Variants in LRP1B observed in about 807,000 individuals in gnomAD.
LRP1B encodes LDL receptor related protein 1B.
A neutral mutation model predicts 556.6 loss-of-function variants in LRP1B; 217 were observed. The ratio of observed to expected loss-of-function variants is 0.39; its 90% CI spans 0.35 to 0.44. The LOEUF (loss-of-function observed/expected upper bound fraction) is 0.44. Among genes scored for constraint, LRP1B ranks in the 20% least tolerant of loss-of-function variants. The pLI, the probability that LRP1B is intolerant of heterozygous loss-of-function variation, is 1.00. For synonymous variants in LRP1B, 2,047 were observed against 1,865.8 expected (o/e 1.10, Z -2.50); for missense variants, 5,053 against 5,620.8 (o/e 0.90, Z 3.23).
intron 8 of LRP1B, among the ~76,000 whole-genome samples, chr2:141,059,433 T>G (rs1699277471): frequency 6.6e-6 from 1 of 151,790 alleles, no homozygotes; most frequent in African/African-American, 2.4e-5. Context: ...TATATAATAA[T>G]GGATATTTAG....
chr2:140,673,619 T>C (rs1387290721), intron 41 of LRP1B, among the ~76,000 whole-genome samples: 1 of 152,178 alleles, frequency 6.6e-6, no homozygotes, highest in African/African-American at 2.4e-5. Context: ...CTCTACCCAG[T>C]ACCCAATTTA....
At chr2:141,952,078 C>T (rs1280142566) in intron 1 of LRP1B, among the ~76,000 whole-genome samples, 1 of 149,256 alleles carries the variant, frequency 6.7e-6, no homozygotes, top group Non-Finnish European at 1.5e-5. Flanking sequence ...TCAGTTCCCA[C>T]CTATGAGTGA....
At chr2:141,076,832 T>G (rs2104872413) in intron 7 of LRP1B, among the ~76,000 whole-genome samples, 1 of 152,294 alleles carries the variant, frequency 6.6e-6, no homozygotes, top group Non-Finnish European at 1.5e-5. Flanking sequence ...AAAGATGCTT[T>G]TGAATTTATG....
At chr2:140,577,063 T>C (rs1681555100) in intron 43 of LRP1B, among the ~76,000 whole-genome samples, 1 of 152,166 alleles carries the variant, frequency 6.6e-6, no homozygotes, top group Non-Finnish European at 1.5e-5. Flanking sequence ...ATAAAAACAT[T>C]ACCACACAAA....
intron 3 of LRP1B, among the ~76,000 whole-genome samples, chr2:141,329,890 G>A (rs959228551): frequency 2.0e-5 from 3 of 152,064 alleles, no homozygotes; most frequent in African/African-American, 7.2e-5. Context: ...AGAGAAACAG[G>A]AGGTTCTCTC....
At chr2:141,974,134 T>C (rs1293320231) in intron 1 of LRP1B, among the ~76,000 whole-genome samples, 3 of 151,968 alleles carry the variant, frequency 2.0e-5, no homozygotes, top group Non-Finnish European at 4.4e-5. Flanking sequence ...TACTTCTCCC[T>C]TTATAATTAG....
intron 79 of LRP1B, among the ~76,000 whole-genome samples, chr2:140,332,472 G>T (rs1057410210): frequency 6.6e-6 from 1 of 152,060 alleles, no homozygotes; most frequent in East Asian, 1.9e-4. Context: ...GCCTTATGCA[G>T]ATCTCCTTTA....
At chr2:141,467,059 C>A (rs1682237350) in intron 3 of LRP1B, among the ~76,000 whole-genome samples, 2 of 142,826 alleles carry the variant, frequency 1.4e-5, no homozygotes, top group Non-Finnish European at 3.0e-5. Context: ...CCCTCACTGG[C>A]TCCCCAGGAT....
intron 1 of LRP1B, among the ~76,000 whole-genome samples, chr2:142,122,397 G>A (rs747771879): frequency 1.1e-4 from 17 of 152,074 alleles, no homozygotes; most frequent in Non-Finnish European, 2.4e-4. Flanking sequence ...TTTAAGTTCT[G>A]AATATCTGAT....
chr2:141,305,646 T>C (rs992931476), intron 3 of LRP1B, among the ~76,000 whole-genome samples: 5 of 152,194 alleles, frequency 3.3e-5, no homozygotes, highest in Non-Finnish European at 7.4e-5. Flanking sequence ...GTGGTGAACG[T>C]GGACATATTT....
At chr2:141,137,567 T>G (rs959473297) in intron 7 of LRP1B, among the ~76,000 whole-genome samples, 1 of 152,002 alleles carries the variant, frequency 6.6e-6, no homozygotes, top group Admixed American at 6.6e-5. Flanking sequence ...AGTTAACATA[T>G]GCATTATCTC....
At chr2:142,000,279 T>A (rs1702615850) in intron 1 of LRP1B, among the ~76,000 whole-genome samples, 1 of 152,102 alleles carries the variant, frequency 6.6e-6, no homozygotes, top group Admixed American at 6.6e-5. Context: ...CTTCCTTGCT[T>A]TCATAATTTC....
intron 11 of LRP1B, among the ~76,000 whole-genome samples, chr2:141,046,292 C>A (rs2105440922): frequency 6.6e-6 from 1 of 152,152 alleles, no homozygotes; most frequent in Middle Eastern, 3.4e-3. Flanking sequence ...CTAAGCATTG[C>A]CTCGCAGTCT....
intron 66 of LRP1B, among the ~76,000 whole-genome samples, chr2:140,403,402 CGA>C (rs1349980022): frequency 2.0e-5 from 3 of 151,764 alleles, no homozygotes; most frequent in African/African-American, 7.3e-5. Flanking sequence ...AAAAAATTTT[CGA>C]GAGAGATAGA....
intron 74 of LRP1B, among the ~76,000 whole-genome samples, chr2:140,357,195 C>T (rs532100038): frequency 6.6e-6 from 1 of 151,744 alleles, no homozygotes; most frequent in South Asian, 2.1e-4. Context: ...CTCTAAGTTA[C>T]TTAAATCAAA....
chr2:142,005,300 C>T (rs956551413), intron 1 of LRP1B, among the ~76,000 whole-genome samples: 1 of 151,900 alleles, frequency 6.6e-6, no homozygotes, highest in East Asian at 1.9e-4. Context: ...ATATAGGAAG[C>T]TAACAAGCCC....
At chr2:142,116,660 A>G (rs1481606914) in intron 1 of LRP1B, among the ~76,000 whole-genome samples, 2 of 152,190 alleles carry the variant, frequency 1.3e-5, no homozygotes, top group African/African-American at 4.8e-5. Flanking sequence ...TTATGTTAGT[A>G]TCTGGGGAAT....
chr2:140,237,759 C>T (rs1033423299), intron 89 of LRP1B, among the ~76,000 whole-genome samples: 1 of 150,706 alleles, frequency 6.6e-6, no homozygotes, highest in South Asian at 2.1e-4. Flanking sequence ...AGACCTTTAT[C>T]TATCTATATA....
At chr2:140,272,258 AACACACACACACACACACACAC>A (rs10654741) in intron 85 of LRP1B, among the ~76,000 whole-genome samples, 59 of 149,320 alleles carry the variant, frequency 4.0e-4, no homozygotes, top group Non-Finnish European at 8.6e-4. Flanking sequence ...TGCACACACA[AACACACACACACACACACACAC>A]ACACACACAC....
Sources: gnomAD v4.1 joint callset for allele counts (sites outside exome capture counted in the v4.1 genomes callset) on GRCh38, gnomAD v4.1.1 for gene constraint, MANE v1.5 for transcripts, NCBI Gene and HGNC (gene_info 2026-07-23, HGNC 2026-07-21) for gene names.